Variants in CLTB observed in about 807,000 individuals in gnomAD.
CLTB encodes clathrin light chain B.
In CLTB, 10 loss-of-function variants were observed where a neutral mutation model predicts 30.5. The ratio of observed to expected loss-of-function variants is 0.33; its 90% CI spans 0.20 to 0.56. The LOEUF (loss-of-function observed/expected upper bound fraction) is 0.56. Among genes scored for constraint, CLTB ranks in the 20% least tolerant of loss-of-function variants. The pLI is 0.91. For missense variants in CLTB, 261 were observed against 308.3 expected, an observed-to-expected ratio of 0.85 and a Z score of 1.15; for synonymous variants, 102 against 120.3, an observed-to-expected ratio of 0.85 and a Z score of 1.00.
intron 5 of CLTB, among the ~76,000 whole-genome samples, chr5:176,395,537 G>A (rs570868033): frequency 3.9e-5 from 6 of 152,310 alleles, no homozygotes; most frequent in African/African-American, 1.2e-4. Flanking sequence ...CACCTAGAGT[G>A]AAGAACAGCA....
At chr5:176,396,190 G>A (rs1170756735) in intron 5 of CLTB, among the ~76,000 whole-genome samples, 1 of 152,082 alleles carries the variant, frequency 6.6e-6, no homozygotes, top group Non-Finnish European at 1.5e-5. Flanking sequence ...CACAGAGGGA[G>A]GGAGTTGGGG....
At position 176,392,934 on chromosome 5, in the gene CLTB, T is replaced by G; in HGVS notation, c.530A>C (p.Glu177Ala). 6.2e-7 allele frequency: 1 copy of G among 1,614,114 alleles called. No homozygotes were observed. The highest frequency in any genetic ancestry group is 1.6e-4 in the Middle Eastern group (1 of 6,062). Reference sequence around the variant, plus strand: ...CTCCTTGGATTCCTTCACGAAAGCCTCCTCGGATGCCCTGCGGGTGGAGAT... The same window carrying G: ...CTCCTTGGATTCCTTCACGAAAGCCGCCTCGGATGCCCTGCGGGTGGAGAT... ...ADIIGYVASE[E>A]AFVKESKEET... The change falls in exon 6 of 6, where the codon GAG becomes GCG. Residue 177 changes from glutamate to alanine, a missense_variant. This residue lies in a region of CLTB where 123 missense variants were observed against 157.0 expected (regional missense o/e 0.78). Transcript: ENST00000310418. This position sits in a 1 kb window ranked among gnomAD's most constrained non-coding sequence, Gnocchi z 5.2.
At chr5:176,407,482 T>G (rs79078100) in intron 2 of CLTB, 19,049 of 152,230 alleles carry the variant, frequency 0.13, 1,477 homozygotes, top group South Asian at 0.21. Context: ...TTTTGTATTT[T>G]TAGTAGAGAC....
intron 3 of CLTB, 66 bp downstream of exon 3, chr5:176,397,864 A>G: frequency 3.3e-6 from 5 of 1,495,648 alleles, no homozygotes; most frequent in Non-Finnish European, 4.6e-6. Flanking sequence ...ATGCACTCCG[A>G]GGACTCCCCA....
intron 4 of CLTB, among the ~76,000 whole-genome samples, chr5:176,396,771 G>A (rs1756543963): frequency 6.6e-6 from 1 of 152,118 alleles, no homozygotes; most frequent in Non-Finnish European, 1.5e-5. Context: ...TGTTACTCCT[G>A]TTCAAACACC....
chr5:176,406,062 C>A (rs565768781), intron 2 of CLTB: 158 of 740,328 alleles, frequency 2.1e-4, no homozygotes, highest in Non-Finnish European at 2.5e-4. Context: ...TCATTATTTC[C>A]GGGCTGCTCA....
chr5:176,395,279 C>T (rs945068449), intron 5 of CLTB, among the ~76,000 whole-genome samples: 1 of 152,208 alleles, frequency 6.6e-6, no homozygotes, highest in Non-Finnish European at 1.5e-5. Flanking sequence ...GAAGCCTGCC[C>T]AGGCTCCCCA....
rs775552270 is a variant in CLTB at position 176,397,925 on chromosome 5, C to T, written c.352+5G>A. On this transcript the variant is annotated splice_donor_5th_base_variant and intron_variant, in intron 3 of 5. Transcript: ENST00000310418. ...CAGCCAACCCCGCCTCAGCCCCGCC[C>T]TCACCCAGCTCTTGCAGCCGTTTCC... 3.1e-6 allele frequency: 5 copies of T among 1,613,140 alleles called. No individual in the cohort carries two copies. The Admixed American group carries it at 6.7e-5, about 22-fold the overall frequency.
intron 5 of CLTB, 73 bp downstream of exon 5, chr5:176,396,406 C>G: frequency 7.7e-7 from 1 of 1,303,318 alleles, no homozygotes; most frequent in South Asian, 1.2e-5. Flanking sequence ...ATCCCACAAG[C>G]AGGAAACTCA....
intron 2 of CLTB, among the ~76,000 whole-genome samples, chr5:176,408,719 C>T (rs1331668387): frequency 6.6e-6 from 1 of 152,204 alleles, no homozygotes; most frequent in Non-Finnish European, 1.5e-5. Context: ...TGGGGTCTTA[C>T]TATGTTGCCC....
intron 5 of CLTB, among the ~76,000 whole-genome samples, chr5:176,395,483 G>A (rs766172640): frequency 6.6e-6 from 1 of 152,240 alleles, no homozygotes; most frequent in African/African-American, 2.4e-5. Flanking sequence ...TCTGTGCCCT[G>A]TGAGAGGAGG....
chr5:176,406,616 G>A (rs1351351596), intron 2 of CLTB: 2 of 1,289,400 alleles, frequency 1.6e-6, no homozygotes, highest in South Asian at 1.2e-5. Context: ...GCCCCTGGCT[G>A]TGCCAAATGG....
At chr5:176,411,705 A>G (rs144181178) in intron 1 of CLTB, among the ~76,000 whole-genome samples, 2 of 152,214 alleles carry the variant, frequency 1.3e-5, no homozygotes, top group Non-Finnish European at 2.9e-5. Context: ...AGGACTCAAT[A>G]AATATTTGCC....
chr5:176,414,907 A>G (rs1339093801), intron 1 of CLTB, among the ~76,000 whole-genome samples: 1 of 152,264 alleles, frequency 6.6e-6, no homozygotes. Context: ...GTAGGTGCTC[A>G]GTAAACGTTG....
intron 4 of CLTB, 71 bp from the exon 5 acceptor site, chr5:176,396,603 G>T: frequency 9.2e-7 from 1 of 1,089,020 alleles, no homozygotes; most frequent in Non-Finnish European, 1.4e-6. Flanking sequence ...GCAGGCAGAA[G>T]GTTAGAGAGA....
chr5:176,400,204 A>C (rs1034149637), intron 2 of CLTB, among the ~76,000 whole-genome samples: 1 of 152,026 alleles, frequency 6.6e-6, no homozygotes, highest in African/African-American at 2.4e-5. Flanking sequence ...TCTCAAAAAA[A>C]AAAAGAAAGA....
At position 176,398,525 on chromosome 5, in the gene CLTB, A is replaced by T. The variant is rs1002107761; in HGVS notation, c.235-478T>A. ...TGGGAGTTCAAGACCAGCCTGACCAACATGGAGAAATCCCGACTCTACTAA... is the reference window on the plus strand; with the variant it reads ...TGGGAGTTCAAGACCAGCCTGACCATCATGGAGAAATCCCGACTCTACTAA... On this transcript the variant is annotated intron_variant, in intron 2 of 5. Coordinates refer to ENST00000310418, the MANE Select transcript of CLTB (RefSeq NM_007097.5). Among the ~76,000 whole-genome samples, 10 of 152,050 alleles carry T rather than the reference A, an allele frequency of 6.6e-5. 1 individual carries two copies. The highest frequency in any genetic ancestry group is 6.6e-5 in the Admixed American group (1 of 15,250).
At chr5:176,400,609 G>C (rs759832736) in intron 2 of CLTB, among the ~76,000 whole-genome samples, 2 of 152,086 alleles carry the variant, frequency 1.3e-5, no homozygotes, top group Non-Finnish European at 2.9e-5. Flanking sequence ...TGGCACCCAC[G>C]CCCTCCGCAT....
At chr5:176,405,758 T>G (rs1757082984) in intron 2 of CLTB, 1 of 152,066 alleles carries the variant, frequency 6.6e-6, no homozygotes, top group South Asian at 2.1e-4. Flanking sequence ...TACATCCCCC[T>G]TCTGCCACTC....
Sources: gnomAD v4.1 joint callset for allele counts (sites outside exome capture counted in the v4.1 genomes callset) on GRCh38, gnomAD v4.1.1 for gene constraint, gnomAD v4.1.1 regional missense constraint, Gnocchi (gnomAD v3.1) non-coding constraint, MANE v1.5 for transcripts, NCBI Gene and HGNC (gene_info 2026-07-23, HGNC 2026-07-21) for gene names.